Variants in PDE11A observed in about 807,000 individuals in gnomAD.
PDE11A encodes the protein dual 3',5'-cyclic-AMP and -GMP phosphodiesterase 11A.
A neutral mutation model predicts 100.5 loss-of-function variants in PDE11A; 100 were observed. The ratio of observed to expected loss-of-function variants is 1.00; its 90% CI spans 0.85 to 1.18. The LOEUF (loss-of-function observed/expected upper bound fraction) is 1.18. Ranked by LOEUF, PDE11A falls within the 50% of genes most tolerant of loss-of-function variation. The pLI is 0.00. For missense variants in PDE11A, 1,141 were observed against 1,152.6 expected (o/e 0.99, Z 0.15); for synonymous variants, 381 against 420.8 (o/e 0.91, Z 1.16).
chr2:177,777,289 TAC>T (rs2082391311), intron 9 of PDE11A, among the ~76,000 whole-genome samples: 2 of 152,174 alleles, frequency 1.3e-5, no homozygotes, highest in African/African-American at 4.8e-5. Flanking sequence ...AGCAAGTTTA[TAC>T]AGTCACATAA....
At chr2:177,922,867 C>T (rs1336234223) in intron 2 of PDE11A, 16 of 972,378 alleles carry the variant, frequency 1.6e-5, no homozygotes, top group Non-Finnish European at 2.0e-5. Flanking sequence ...TATCCATGCC[C>T]ATGTACAACT....
At chr2:177,897,496 A>C (rs1159413751) in intron 4 of PDE11A, among the ~76,000 whole-genome samples, 1 of 152,190 alleles carries the variant, frequency 6.6e-6, no homozygotes, top group African/African-American at 2.4e-5. Context: ...CAGCTGTGAA[A>C]GAACCTGGAA....
intron 2 of PDE11A, among the ~76,000 whole-genome samples, chr2:177,924,347 TG>T (rs2085096479): frequency 6.6e-6 from 1 of 152,232 alleles, no homozygotes; most frequent in African/African-American, 2.4e-5. Context: ...AGTAGAGTTT[TG>T]CCTGAGCCAA....
chr2:177,921,242 T>C (rs1468640707), intron 2 of PDE11A, among the ~76,000 whole-genome samples: 1 of 151,770 alleles, frequency 6.6e-6, no homozygotes, highest in African/African-American at 2.4e-5. Context: ...TTATTGCCTC[T>C]GCATGTAACT....
intron 15 of PDE11A, among the ~76,000 whole-genome samples, chr2:177,685,406 T>C (rs2080930330): frequency 6.6e-6 from 1 of 152,172 alleles, no homozygotes; most frequent in Non-Finnish European, 1.5e-5. Context: ...ACCATTTCCA[T>C]CCAATATCTG....
chr2:177,887,243 A>G (rs1680327954), intron 4 of PDE11A, among the ~76,000 whole-genome samples: 1 of 152,220 alleles, frequency 6.6e-6, no homozygotes, highest in African/African-American at 2.4e-5. Flanking sequence ...CCCAAATTCA[A>G]AAACACATAA....
intron 1 of PDE11A, among the ~76,000 whole-genome samples, chr2:178,026,223 A>C (rs2886653): frequency 0.95 from 144,207 of 152,300 alleles, 68,781 homozygotes; most frequent in East Asian, 1. Context: ...ATCTCAATCA[A>C]ATGCTGATCC....
chr2:177,774,302 C>T (rs968378679), intron 9 of PDE11A, among the ~76,000 whole-genome samples: 5 of 152,338 alleles, frequency 3.3e-5, no homozygotes, highest in African/African-American at 1.2e-4. Context: ...TGGTCACTGG[C>T]CATATCCCAT....
intron 4 of PDE11A, among the ~76,000 whole-genome samples, chr2:177,880,599 C>G (rs2105702798): frequency 6.6e-6 from 1 of 152,264 alleles, no homozygotes; most frequent in South Asian, 2.1e-4. Context: ...TTGAGCCCTT[C>G]TAGCAAATTA....
chr2:177,800,071 G>A (rs1574155172), intron 9 of PDE11A, among the ~76,000 whole-genome samples: 1 of 152,054 alleles, frequency 6.6e-6, no homozygotes. Flanking sequence ...CCTGCCCTGA[G>A]ATGCACAGGT....
At chr2:177,859,074 C>T (rs1366635494) in intron 5 of PDE11A, among the ~76,000 whole-genome samples, 2 of 151,956 alleles carry the variant, frequency 1.3e-5, no homozygotes, top group East Asian at 3.9e-4. Context: ...GGAAGGGGAA[C>T]ATCACACACC....
intron 15 of PDE11A, among the ~76,000 whole-genome samples, chr2:177,686,499 C>T (rs1053763621): frequency 3.3e-5 from 5 of 151,902 alleles, no homozygotes; most frequent in Non-Finnish European, 7.4e-5. Context: ...CCTGGGAAGT[C>T]AAGGCTGCAG....
chr2:177,943,030 G>A (rs552057086), intron 2 of PDE11A, among the ~76,000 whole-genome samples: 10 of 152,238 alleles, frequency 6.6e-5, no homozygotes, highest in South Asian at 6.2e-4. Context: ...CATTCATGTC[G>A]TAGCATGTAA....
In PDE11A at chr2:177,790,081, G is replaced by T. The variant is rs1246574112; in HGVS notation, c.1738-20708C>A. Among the ~76,000 whole-genome samples, 311 of 152,074 alleles carry T rather than the reference G, an allele frequency of 2.0e-3. 1 individual carries two copies. Among genetic ancestry groups the T allele is most frequent in the African/African-American group, 7.1e-3 (296 of 41,422 alleles). ...AACCAAAAAGAGCCCGCATCACCAAGTCAGTCCTAAGCCAAAAGAACAAAG... is the reference window on the plus strand; with the variant it reads ...AACCAAAAAGAGCCCGCATCACCAATTCAGTCCTAAGCCAAAAGAACAAAG... On this transcript the variant is annotated intron_variant, in intron 9 of 19. Coordinates refer to ENST00000286063, the MANE Select transcript of PDE11A (RefSeq NM_016953.4).
At chr2:177,675,336 A>C (rs1051365292) in intron 17 of PDE11A, 119 bp downstream of exon 17, 3 of 763,034 alleles carry the variant, frequency 3.9e-6, no homozygotes, top group Non-Finnish European at 7.1e-6. Context: ...CACCATGTTA[A>C]TACTGATGCA....
chr2:177,793,653 T>C (rs761264179), intron 9 of PDE11A, among the ~76,000 whole-genome samples: 7 of 148,080 alleles, frequency 4.7e-5, no homozygotes, highest in Non-Finnish European at 1.0e-4. Context: ...CCAGAGACCA[T>C]CAAAAAGGAG....
At chr2:177,883,964 C>T (rs893183325) in intron 4 of PDE11A, among the ~76,000 whole-genome samples, 5 of 152,222 alleles carry the variant, frequency 3.3e-5, no homozygotes, top group African/African-American at 1.2e-4. Flanking sequence ...ATGTCTTTCA[C>T]TCCTCTGGCC....
intron 2 of PDE11A, 100 bp downstream of exon 2, chr2:178,014,202 C>T: frequency 1.1e-6 from 1 of 912,688 alleles, no homozygotes; most frequent in Non-Finnish European, 1.8e-6. Flanking sequence ...CATGAATGGG[C>T]TAATCCAACA....
At chr2:177,755,664 T>C (rs1330617225) in intron 10 of PDE11A, among the ~76,000 whole-genome samples, 1 of 152,204 alleles carries the variant, frequency 6.6e-6, no homozygotes, top group African/African-American at 2.4e-5. Flanking sequence ...GGGAACCAAG[T>C]GGGCCAAGCG....
Sources: gnomAD v4.1 joint callset for allele counts (sites outside exome capture counted in the v4.1 genomes callset) on GRCh38, gnomAD v4.1.1 for gene constraint, MANE v1.5 for transcripts, NCBI Gene and HGNC (gene_info 2026-07-23, HGNC 2026-07-21) for gene names.